The following KRT85 variants were observed in gnomAD, a reference collection of about 807,000 sequenced individuals.
KRT85 encodes the protein keratin, type II cuticular Hb5.
KRT85 carries 39 observed loss-of-function variants against 53.7 expected under a neutral mutation model. The ratio of observed to expected loss-of-function variants is 0.73; its 90% CI spans 0.56 to 0.95. The LOEUF is 0.95. KRT85 is among the 40% of genes least tolerant of loss of function. KRT85 has a pLI of 0.00. For missense variants in KRT85, 668 were observed against 686.0 expected (o/e 0.97, Z 0.29); for synonymous variants, 291 against 277.5 (o/e 1.05, Z -0.48).
intron 1 of KRT85, 139 bp downstream of exon 1, chr12:52,366,847 C>A: frequency 7.1e-7 from 1 of 1,411,154 alleles, no homozygotes; most frequent in Non-Finnish European, 1.0e-6. Flanking sequence ...GGAAACTGAC[C>A]CTTCCACCTG....
intron 6 of KRT85, 116 bp from the exon 7 acceptor site, chr12:52,362,587 G>T: frequency 1.5e-6 from 2 of 1,371,486 alleles, no homozygotes; most frequent in Non-Finnish European, 2.0e-6. Context: ...TTGGCCCGTG[G>T]CCAGGTAGTT....
At chr12:52,364,482 C>G in intron 2 of KRT85, 116 bp from the exon 3 acceptor site, 1 of 1,582,362 alleles carries the variant, frequency 6.3e-7, no homozygotes, top group Non-Finnish European at 8.6e-7. Flanking sequence ...CAGATGTTGT[C>G]TTGGCCCCTC....
chr12:52,362,583 C>G (rs117192433), intron 6 of KRT85, 112 bp from the exon 7 acceptor site: 543 of 1,394,114 alleles, frequency 3.9e-4, no homozygotes, highest in Non-Finnish European at 5.0e-4. Flanking sequence ...AAGGTTGGCC[C>G]GTGGCCAGGT....
At chr12:52,361,670 T>C (rs1939193091) in intron 7 of KRT85, among the ~76,000 whole-genome samples, 172 bp from the exon 8 acceptor site, 1 of 152,226 alleles carries the variant, frequency 6.6e-6, no homozygotes, top group Non-Finnish European at 1.5e-5. Context: ...GTTTTAACCA[T>C]GAAGACAAGG....
rs375295365 is a variant in KRT85, at chr12:52,363,210, G to T, written c.951+36C>A. On this transcript the variant is annotated intron_variant, in intron 5 of 8. Transcript: ENST00000257901. The stretch of plus-strand genomic sequence containing the variant: ...ATAGATGCCTAACTTCCCTCCCACT[G>T]CCATGCTTAGCAGGCAGGTGTCCTG... 18 of 1,613,286 alleles carry T rather than the reference G, an allele frequency of 1.1e-5. No homozygotes were observed. The African/African-American group carries it at 2.4e-4, about 22-fold the overall frequency.
In KRT85 at chr12:52,367,218, C is replaced by T; in HGVS notation, c.188G>A (p.Gly63Glu). 1.2e-6 allele frequency: 2 copies of T among 1,613,476 alleles called. No homozygotes were observed. Among genetic ancestry groups the T allele is most frequent in the East Asian group, 2.2e-5 (1 of 44,874 alleles). ...GAAGCCACCTACAGCTATCCGGGGC[C>T]CGCAGGAGCCCAGGTTGCAGAGGCT... ...SRSLCNLGSC[G>E]PRIAVGGFRA... Residue 63 changes from glycine (G) to glutamate (E), a missense_variant, in exon 1 of 9, where the codon GGG becomes GAG. This residue lies in a region of KRT85 where 158 missense variants were observed against 141.8 expected (regional missense o/e 1.11). Transcript: ENST00000257901.
At position 52,367,343 on chromosome 12, in the gene KRT85, G is replaced by T; in HGVS notation, c.63C>A (p.Cys21Ter). The part of the protein sequence containing the change: ...GCGVTRNFSS[C>*]SAVAPKTGNR... ...TGCCAGTTTTGGGGGCCACAGCTGA[G>T]CAGGAGCTGAAGTTCCTGGTGACCC... The change falls in exon 1 of 9, where the codon TGC becomes TGA. Residue 21 changes from cysteine (C) to a stop codon, truncating the protein, a stop_gained. Transcript: ENST00000257901. LOFTEE classifies it high-confidence loss of function. The T allele has an allele frequency of 1.2e-6, 2 of 1,614,140 alleles. No homozygotes were observed. Among genetic ancestry groups the T allele is most frequent in the South Asian group, 2.2e-5 (2 of 91,084 alleles).
intron 2 of KRT85, 200 bp from the exon 3 acceptor site, chr12:52,364,566 GC>G (rs1189223862): frequency 6.9e-7 from 1 of 1,459,342 alleles, no homozygotes; most frequent in Non-Finnish European, 9.0e-7. Context: ...CAGTCCTTCT[GC>G]CTCTGAGATG....
Position 52,363,177 on chromosome 12 carries a change from C to A in KRT85, c.951+69G>T. 4 of 1,600,342 alleles carry A rather than the reference C, an allele frequency of 2.5e-6. No homozygotes were observed. The South Asian group carries it at 3.3e-5, about 13-fold the overall frequency. On this transcript the variant is annotated intron_variant, in intron 5 of 8. Transcript: ENST00000257901. ...GTCAGAATCCCCAGGCAAGAGAAAT[C>A]TTTTCTAATAGATGCCTAACTTCCC...
rs967485603 is a variant in KRT85 at position 52,360,368 on chromosome 12, C to T, written c.*485G>A. 15 of 197,714 alleles carry T rather than the reference C, an allele frequency of 7.6e-5. No individual in the cohort carries two copies. The highest frequency in any genetic ancestry group is 1.9e-4 in the African/African-American group (8 of 42,426). The allele number at this position is 197,714 out of a possible 1,614,324, so 12.2% of individuals were successfully genotyped here. ...GTCTGAGAGAGAAGCAAAACATGAA[C>T]AGGAATGAACAGGCAAGTGCTTGCT... On this transcript the variant is annotated 3_prime_UTR_variant, in exon 9 of 9. Transcript: ENST00000257901.
At chr12:52,361,353 AG>A in intron 8 of KRT85, 113 bp downstream of exon 8, 1 of 982,212 alleles carries the variant, frequency 1.0e-6, no homozygotes, top group Non-Finnish European at 1.6e-6. Context: ...CTGAGGAGCC[AG>A]GGGAGGGTGA....
At position 52,363,360 on chromosome 12, in the gene KRT85, C is replaced by T. The variant is rs745380009; in HGVS notation, c.837G>A (p.Lys279=). The change falls in exon 5 of 9, where the codon AAG becomes AAA. Residue 279 remains lysine, a synonymous_variant. Coordinates refer to ENST00000257901, the MANE Select transcript of KRT85 (RefSeq NM_002283.4). ...AHISDTSVIV[K]MDNSRDLNMD... is the part of the protein sequence containing the mutation. ...TGTTCAGGTCTCGGCTGTTGTCCAT[C>T]TTGACTATGACCGAGGTGTCTGAGA... 10 of 1,614,190 alleles carry T rather than the reference C, an allele frequency of 6.2e-6. No homozygotes were observed. The South Asian group carries it at 1.1e-4, about 18-fold the overall frequency.
At position 52,360,548 on chromosome 12, in the gene KRT85, C is replaced by T. The variant is rs1223375927; in HGVS notation, c.*305G>A. ...CTGACCACCACGCTGGGGGACTGGT[C>T]TTGTCCCTGAGAGCTGGGGGAATAA... On this transcript the variant is annotated 3_prime_UTR_variant, in exon 9 of 9. Transcript: ENST00000257901. 1 of 426,124 alleles carries T rather than the reference C, an allele frequency of 2.3e-6. No homozygotes were observed. Among genetic ancestry groups the T allele is most frequent in the Non-Finnish European group, 4.4e-6 (1 of 227,936 alleles). The allele number at this position is 426,124 out of a possible 1,614,324, so 26.4% of individuals were successfully genotyped here. A position where few individuals can be genotyped will look rare whatever the true frequency, so the allele number is the denominator to read the frequency against.
At position 52,367,162 on chromosome 12, in the gene KRT85, A is replaced by G. The variant is rs539675876; in HGVS notation, c.244T>C (p.Tyr82His). Residue 82 changes from tyrosine (Y) to histidine (H), a missense_variant, in exon 1 of 9, where the codon TAC becomes CAC. Transcript: ENST00000257901. ...RAGSCGRSFG[Y>H]RSGGVCGPSP... is the part of the protein sequence containing the mutation. Reference sequence around the variant, plus strand: ...GGTCCGCACACGCCCCCGGAGCGGTAGCCGAAGCTGCGTCCGCAGGAGCCG... The same window carrying G: ...GGTCCGCACACGCCCCCGGAGCGGTGGCCGAAGCTGCGTCCGCAGGAGCCG... 9.9e-6 allele frequency: 16 copies of G among 1,613,668 alleles called. No homozygotes were observed. In the South Asian group the frequency reaches 1.8e-4, roughly 18 times the overall value.
chr12:52,367,270 G>T lies in KRT85; in HGVS notation c.136C>A (p.Arg46=). 2.5e-6 allele frequency: 4 copies of T among 1,612,470 alleles called. No homozygotes were observed. The highest frequency in any genetic ancestry group is 1.7e-5 in the Admixed American group (1 of 59,970). ...CGGCTGCCGAAGCCCGTCAGCCCTC[G>T]GTAGCAGGACACCCCTCGGTAGGGG... ...AAPYRGVSCY[R]GLTGFGSRSL... is the part of the protein sequence containing the mutation. Residue 46 remains arginine (R), a synonymous_variant, in exon 1 of 9, where the codon CGA becomes AGA. Transcript: ENST00000257901.
At chr12:52,365,718 A>G (rs886385329) in intron 1 of KRT85, among the ~76,000 whole-genome samples, 7 of 152,140 alleles carry the variant, frequency 4.6e-5, no homozygotes, top group Admixed American at 3.3e-4. Context: ...CCATTCAATT[A>G]TCACAGCCCT....
In KRT85 at chr12:52,362,320, A is replaced by G. The variant is rs773119268; in HGVS notation, c.1229T>C (p.Met410Thr). The change falls in exon 7 of 9, where the codon ATG becomes ACG. Residue 410 changes from methionine (M) to threonine (T), a missense_variant. Met to Thr is a moderately conservative substitution (Grantham distance 81). Coordinates refer to ENST00000257901, the MANE Select transcript of KRT85 (RefSeq NM_002283.4). ...GATGTCCAGGCCCAGCTTGGAGTTC[A>G]TCACCTCCTGGTACTCCTTGAGCAG... ...ACLLKEYQEV[M>T]NSKLGLDIEI... The G allele has an allele frequency of 3.1e-6, 5 of 1,614,092 alleles. No homozygotes were observed. The highest frequency in any genetic ancestry group is 1.6e-4 in the Middle Eastern group (1 of 6,062).
intron 7 of KRT85, 107 bp downstream of exon 7, chr12:52,362,144 G>A (rs1939199676): frequency 1.5e-6 from 2 of 1,335,996 alleles, no homozygotes; most frequent in South Asian, 1.2e-5. Flanking sequence ...TGAAGCTATT[G>A]TATTAGCCAT....
intron 1 of KRT85, 23 bp downstream of exon 1, chr12:52,366,963 G>C: frequency 6.2e-7 from 1 of 1,613,972 alleles, no homozygotes; most frequent in Non-Finnish European, 8.5e-7. Flanking sequence ...AGGCTTCTCT[G>C]GGCCGTCTCA....
Sources: allele counts gnomAD v4.1 joint callset (sites outside exome capture counted in the v4.1 genomes callset), GRCh38; gene constraint gnomAD v4.1.1; regional missense constraint gnomAD v4.1.1; transcripts MANE v1.5; gene names NCBI Gene and HGNC (gene_info 2026-07-23, HGNC 2026-07-21).